The following CDC42EP4 variants were observed in gnomAD, a reference collection of about 807,000 sequenced individuals.
CDC42EP4 encodes CDC42 effector protein (Rho GTPase binding) 4.
CDC42EP4 carries 6 observed loss-of-function variants against 5.6 expected under a neutral mutation model. The ratio of observed to expected loss-of-function variants is 1.07; its 90% CI spans 0.59 to 2.12. The LOEUF (loss-of-function observed/expected upper bound fraction) is 2.12, where lower values mean the gene tolerates loss of function less well. Ranked by LOEUF, CDC42EP4 falls within the 30% of genes most tolerant of loss-of-function variation. The pLI is 0.00. For missense variants in CDC42EP4, 490 were observed against 508.6 expected, an observed-to-expected ratio of 0.96 and a Z score of 0.35; for synonymous variants, 230 against 224.2, an observed-to-expected ratio of 1.03 and a Z score of -0.23.
chr17:73,311,424 C>G (rs1045870975), intron 1 of CDC42EP4: 1 of 152,452 alleles, frequency 6.6e-6, no homozygotes, highest in Non-Finnish European at 1.5e-5. Context: ...ATGGAGAACT[C>G]CGGGCGCACA....
intron 1 of CDC42EP4, among the ~76,000 whole-genome samples, chr17:73,297,968 T>C (rs905314838): frequency 4.0e-5 from 6 of 149,262 alleles, no homozygotes; most frequent in African/African-American, 1.5e-4. Flanking sequence ...CTTTTTCTTT[T>C]TAAAACAAAC....
intron 1 of CDC42EP4, among the ~76,000 whole-genome samples, chr17:73,293,688 G>A (rs76877569): frequency 0.017 from 2,544 of 152,304 alleles, 73 homozygotes; most frequent in African/African-American, 0.058. Flanking sequence ...TCTAAGAGGT[G>A]AGGGACTCTG....
intron 1 of CDC42EP4, among the ~76,000 whole-genome samples, chr17:73,308,899 G>A (rs1394951847): frequency 4.0e-5 from 6 of 151,760 alleles, no homozygotes; most frequent in South Asian, 4.2e-4. Context: ...TTAGCCGGGC[G>A]TGGTGGCATG....
chr17:73,294,000 G>A (rs530321792), intron 1 of CDC42EP4, among the ~76,000 whole-genome samples: 2 of 152,320 alleles, frequency 1.3e-5, no homozygotes, highest in Non-Finnish European at 2.9e-5. Flanking sequence ...TGCTGCGTGC[G>A]CAAGGAGGTT....
intron 1 of CDC42EP4, chr17:73,307,447 C>CT (rs398031541): frequency 0.23 from 30,911 of 132,720 alleles, 3,693 homozygotes; most frequent in South Asian, 0.35. Context: ...TTCTTTCTTT[C>CT]TTTTTTTTTT....
chr17:73,302,656 C>T lies in CDC42EP4; in HGVS notation c.-113+9237G>A, dbSNP rs531319964. ...TGTTGCCTAGCCAAGTCTTAAAATT[C>T]CTAGCCTCAAGTGTAATCTCAAAGT... On this transcript the variant is annotated intron_variant, in intron 1 of 1. Transcript: ENST00000335793. Among the ~76,000 whole-genome samples, 4 of 151,954 alleles carry T rather than the reference C, an allele frequency of 2.6e-5. No individual in the cohort carries two copies. The South Asian group carries it at 8.4e-4, about 32-fold the overall frequency.
chr17:73,285,901 C>T lies in CDC42EP4; in HGVS notation c.600G>A (p.Leu200=). ...LPVVPKATYG[L]KHAESIMSFH... ...AGGACATGATGGACTCCGCATGCTTCAGCCCGTACGTGGCCTTGGGCACGA... is the reference window on the plus strand; with the variant it reads ...AGGACATGATGGACTCCGCATGCTTTAGCCCGTACGTGGCCTTGGGCACGA... The change falls in exon 2 of 2, where the codon CTG becomes CTA. Residue 200 remains leucine, a synonymous_variant. Coordinates refer to ENST00000335793, the MANE Select transcript of CDC42EP4 (RefSeq NM_012121.5). The surrounding 1 kb of genome is among the most constrained non-coding windows in gnomAD (Gnocchi z 6.8). 1 of 1,614,042 alleles carries T rather than the reference C, an allele frequency of 6.2e-7. No homozygotes were observed. The highest frequency in any genetic ancestry group is 8.5e-7 in the Non-Finnish European group (1 of 1,180,032).
chr17:73,291,518 A>G (rs189287079), intron 1 of CDC42EP4, among the ~76,000 whole-genome samples: 233 of 152,228 alleles, frequency 1.5e-3, no homozygotes, highest in African/African-American at 5.0e-3. Flanking sequence ...AGGTGGTGGG[A>G]GTCTCGCCAG....
rs60180217 is a variant in CDC42EP4, at chr17:73,303,706, A to T, written c.-113+8187T>A. ...ATTAATTCCCCCTTCCTTTAGTTTT[A>T]AAAACATGGCTCCTAGAAAGCATAA... On this transcript the variant is annotated intron_variant, in intron 1 of 1. Transcript: ENST00000335793. Among the ~76,000 whole-genome samples the T allele has an allele frequency of 7.8e-3, 1,190 of 152,120 alleles. 17 individuals are homozygous for T. The highest frequency in any genetic ancestry group is 0.027 in the African/African-American group (1,111 of 41,466).
intron 1 of CDC42EP4, chr17:73,311,130 GT>G (rs1231887695): frequency 6.6e-6 from 1 of 152,200 alleles, no homozygotes; most frequent in East Asian, 1.9e-4. Context: ...AAGGGGGCGG[GT>G]GGCTCGACTG....
Position 73,291,317 on chromosome 17 carries a change from G to A in CDC42EP4, c.-112-4705C>T, listed in dbSNP as rs567259029. ...CCACTGCCCCAGCGAGGAGGGGGCT[G>A]CAGTACCTGGCAGTCCACACTGGGG... On this transcript the variant is annotated intron_variant, in intron 1 of 1. Coordinates refer to ENST00000335793, the MANE Select transcript of CDC42EP4 (RefSeq NM_012121.5). 3.3e-5 allele frequency among the ~76,000 whole-genome samples: 5 copies of A among 152,318 alleles called. No individual in the cohort carries two copies. The South Asian group carries it at 1.0e-3, about 32-fold the overall frequency.
Position 73,311,942 on chromosome 17 carries a change from TGGGCTCCGCGCGGCGGAGGGGCTG to T in CDC42EP4, c.-186_-163del, listed in dbSNP as rs2062277385. On this transcript the variant is annotated 5_prime_UTR_variant, in exon 1 of 2. Coordinates refer to ENST00000335793, the MANE Select transcript of CDC42EP4 (RefSeq NM_012121.5). The stretch of plus-strand genomic sequence containing the variant: ...TGGGCCGGCTGCGCTGTCCCCTTCG[TGGGCTCCGCGCGGCGGAGGGGCTG>T]GCGGCCCCTGTCAGCGCCGGCGTTT... 6.6e-6 allele frequency: 1 copy of T among 152,196 alleles called. No individual in the cohort carries two copies. Among genetic ancestry groups the T allele is most frequent in the East Asian group, 1.9e-4 (1 of 5,164 alleles). 9.4% of individuals were successfully genotyped at this position (152,196 alleles called of 1,614,324 possible).
intron 1 of CDC42EP4, chr17:73,309,938 T>A (rs1188591602): frequency 1.3e-5 from 2 of 152,486 alleles, no homozygotes; most frequent in Admixed American, 1.3e-4. Flanking sequence ...GCCACCCCAC[T>A]AATCAGTCAG....
chr17:73,306,629 TTTGGGCTCTC>T (rs988072731), intron 1 of CDC42EP4: 31 of 152,394 alleles, frequency 2.0e-4, no homozygotes, highest in African/African-American at 6.0e-4. Flanking sequence ...CTAGGCTCTT[TTTGGGCTCTC>T]TTGGGCTCTC....
intron 1 of CDC42EP4, among the ~76,000 whole-genome samples, chr17:73,307,632 T>A (rs2062250923): frequency 6.6e-6 from 1 of 151,816 alleles, no homozygotes; most frequent in South Asian, 2.1e-4. Context: ...TACTTTTTAG[T>A]AGAGACAGGG....
intron 1 of CDC42EP4, among the ~76,000 whole-genome samples, chr17:73,308,770 T>C (rs2062257382): frequency 6.6e-6 from 1 of 152,060 alleles, no homozygotes; most frequent in African/African-American, 2.4e-5. Context: ...TGCAGTGGTT[T>C]ACGCCTGTAA....
intron 1 of CDC42EP4, among the ~76,000 whole-genome samples, chr17:73,287,647 G>A (rs2062141197): frequency 6.6e-6 from 1 of 152,186 alleles, no homozygotes; most frequent in Non-Finnish European, 1.5e-5. Context: ...AGGTTGGGGA[G>A]AGATGGGTGC....
At position 73,285,291 on chromosome 17, in the gene CDC42EP4, CCTCAT is replaced by C. The variant is rs1371620385; in HGVS notation, c.*134_*138del. ...AAGACCCGAGGGCCAGGCCAGTGTC[CCTCAT>C]CTACAAGGTCCAGGGTCCATGGTCT... is the stretch of plus-strand genomic sequence containing the variant. On this transcript the variant is annotated 3_prime_UTR_variant, in exon 2 of 2. Coordinates refer to ENST00000335793, the MANE Select transcript of CDC42EP4 (RefSeq NM_012121.5). This position sits in a 1 kb window ranked among gnomAD's most constrained non-coding sequence, Gnocchi z 6.8. 4.5e-6 allele frequency: 3 copies of C among 671,996 alleles called. No individual in the cohort carries two copies. Among genetic ancestry groups the C allele is most frequent in the Non-Finnish European group, 7.4e-6 (3 of 406,598 alleles). The allele number at this position is 671,996 out of a possible 1,614,324, so 41.6% of individuals were successfully genotyped here. A position where few individuals can be genotyped will look rare whatever the true frequency, so the allele number is the denominator to read the frequency against.
At chr17:73,297,301 A>ACACACACACACACAC (rs1568343473) in intron 1 of CDC42EP4, among the ~76,000 whole-genome samples, 3 of 147,694 alleles carry the variant, frequency 2.0e-5, no homozygotes, top group Admixed American at 6.7e-5. Flanking sequence ...TCTCCAAAAA[A>ACACACACACACACAC]AAAAAAAAAC....
Sources: gnomAD v4.1 joint callset for allele counts (sites outside exome capture counted in the v4.1 genomes callset) on GRCh38, gnomAD v4.1.1 for gene constraint, Gnocchi (gnomAD v3.1) non-coding constraint, MANE v1.5 for transcripts, NCBI Gene and HGNC (gene_info 2026-07-23, HGNC 2026-07-21) for gene names.